UACA: variants seen among roughly 807,000 people sequenced by gnomAD.
UACA encodes nuclear membrane binding protein.
UACA carries 112 observed loss-of-function variants against 160.5 expected under a neutral mutation model. The ratio of observed to expected loss-of-function variants is 0.70; its 90% CI spans 0.60 to 0.82. The LOEUF is 0.82. Ranked by LOEUF, UACA falls within the 40% of genes least tolerant of loss-of-function variation. UACA has a pLI of 0.00. For synonymous variants in UACA, 557 were observed against 568.4 expected (o/e 0.98, Z 0.29); for missense variants, 1,574 against 1,614.6 (o/e 0.97, Z 0.43).
intron 1 of UACA, among the ~76,000 whole-genome samples, chr15:70,729,360 A>C (rs1021093781): frequency 1.3e-5 from 2 of 152,220 alleles, no homozygotes; most frequent in African/African-American, 4.8e-5. Context: ...AGCCATAAAA[A>C]AAGAATGAAA....
At chr15:70,661,113 T>C (rs1896691490) in intron 17 of UACA, 1 of 152,176 alleles carries the variant, frequency 6.6e-6, no homozygotes, top group South Asian at 2.1e-4. Flanking sequence ...ACGCTTCTTT[T>C]ACACTATTTT....
chr15:70,682,921 A>G, intron 8 of UACA, 126 bp from the exon 9 acceptor site: 3 of 507,360 alleles, frequency 5.9e-6, no homozygotes, highest in Middle Eastern at 3.0e-4. Context: ...TAAAGCTTAC[A>G]ACTTTTTAGT....
intron 5 of UACA, among the ~76,000 whole-genome samples, chr15:70,689,199 G>A (rs1300679146): frequency 6.6e-6 from 1 of 152,088 alleles, no homozygotes; most frequent in African/African-American, 2.4e-5. Flanking sequence ...ACAGGTAAGT[G>A]GAGAAACAAG....
intron 1 of UACA, among the ~76,000 whole-genome samples, chr15:70,701,187 G>A (rs1293289307): frequency 1.3e-5 from 2 of 152,106 alleles, no homozygotes; most frequent in Non-Finnish European, 2.9e-5. Context: ...CTTAAATTTG[G>A]TGATGAACCT....
At chr15:70,660,004 A>G in intron 18 of UACA, 147 bp downstream of exon 18, 1 of 643,500 alleles carries the variant, frequency 1.6e-6, no homozygotes, top group Non-Finnish European at 2.5e-6. Flanking sequence ...TCCACAAACA[A>G]TGATTAAAAG....
intron 3 of UACA, among the ~76,000 whole-genome samples, chr15:70,692,061 T>C (rs1020962316): frequency 7.2e-5 from 11 of 152,234 alleles, no homozygotes; most frequent in Admixed American, 1.3e-4. Flanking sequence ...TATTTCTTTA[T>C]ACAAACACCT....
chr15:70,696,430 C>A (rs139083028), intron 2 of UACA, among the ~76,000 whole-genome samples: 4 of 152,148 alleles, frequency 2.6e-5, no homozygotes, highest in African/African-American at 9.7e-5. Context: ...ATTTGAATAA[C>A]TGCATGCTTG....
intron 9 of UACA, among the ~76,000 whole-genome samples, chr15:70,682,241 T>A (rs1897535065): frequency 6.6e-6 from 1 of 152,122 alleles, no homozygotes; most frequent in African/African-American, 2.4e-5. Context: ...TTCCGTAAAG[T>A]CCTCAATTAA....
intron 17 of UACA, among the ~76,000 whole-genome samples, chr15:70,663,915 T>C (rs1273812697): frequency 1.3e-5 from 2 of 151,694 alleles, no homozygotes; most frequent in Admixed American, 6.6e-5. Flanking sequence ...ATATATCTAA[T>C]GTTAAATGAC....
intron 1 of UACA, among the ~76,000 whole-genome samples, chr15:70,715,587 A>C (rs545517274): frequency 6.6e-6 from 1 of 152,200 alleles, no homozygotes; most frequent in African/African-American, 2.4e-5. Context: ...ACAGGAAAGC[A>C]TATGTTTTTG....
chr15:70,679,043 AGCGT>A (rs1897386182), intron 10 of UACA, among the ~76,000 whole-genome samples: 3 of 152,182 alleles, frequency 2.0e-5, no homozygotes, highest in African/African-American at 7.2e-5. Context: ...CCATACTTCT[AGCGT>A]TACATAATTA....
intron 1 of UACA, among the ~76,000 whole-genome samples, chr15:70,746,329 A>G (rs1483369620): frequency 6.6e-6 from 1 of 152,186 alleles, no homozygotes. Context: ...GCAAAGGGTA[A>G]GAACAGACAC....
At chr15:70,767,239 CAA>C (rs747903027), upstream of UACA, among the ~76,000 whole-genome samples, 1 of 46,534 alleles carries the variant, frequency 2.1e-5, no homozygotes, top group Middle Eastern at 0.021. Flanking sequence ...GACTCCATCT[CAA>C]AAAAAAAAAA....
At chr15:70,756,914 C>T (rs1433502214) in intron 1 of UACA, among the ~76,000 whole-genome samples, 2 of 152,162 alleles carry the variant, frequency 1.3e-5, no homozygotes, top group Non-Finnish European at 2.9e-5. Flanking sequence ...ATAAACACAG[C>T]CACATTACTA....
intron 1 of UACA, among the ~76,000 whole-genome samples, chr15:70,750,667 G>A (rs775104330): frequency 2.0e-5 from 3 of 152,076 alleles, no homozygotes; most frequent in East Asian, 1.9e-4. Flanking sequence ...TCAGGCGTTC[G>A]AGACCAGCCT....
chr15:70,687,628 C>A lies in UACA; in HGVS notation c.514G>T (p.Val172Phe). ...AKDVDGRTPLVLATQMSRPTI... is the reference protein window; with the variant it reads ...AKDVDGRTPLFLATQMSRPTI... ...GGCCTACTCATCTGAGTAGCCAGAACAAGTGGTGTCCGCCCGTCCTAAGCA... is the reference window on the plus strand; with the variant it reads ...GGCCTACTCATCTGAGTAGCCAGAAAAAGTGGTGTCCGCCCGTCCTAAGCA... Residue 172 changes from valine to phenylalanine, a missense_variant, in exon 7 of 19, where the codon GTT (valine) becomes TTT (phenylalanine). Val to Phe is a conservative substitution (Grantham distance 50). Transcript: ENST00000322954. 3 of 1,613,916 alleles carry A rather than the reference C, an allele frequency of 1.9e-6. No individual in the cohort carries two copies. The highest frequency in any genetic ancestry group is 2.5e-6 in the Non-Finnish European group (3 of 1,179,834).
chr15:70,719,115 GAGA>G (rs1230713810), intron 1 of UACA, among the ~76,000 whole-genome samples: 4 of 151,276 alleles, frequency 2.6e-5, no homozygotes, highest in Non-Finnish European at 5.9e-5. Flanking sequence ...TGAAGAGAAG[GAGA>G]AGGAGAAGAG....
chr15:70,726,601 T>C (rs1026862523), intron 1 of UACA, among the ~76,000 whole-genome samples: 2 of 152,172 alleles, frequency 1.3e-5, no homozygotes, highest in African/African-American at 4.8e-5. Context: ...GGTTTTAAGA[T>C]CACATGTTAA....
intron 1 of UACA, among the ~76,000 whole-genome samples, chr15:70,741,350 T>A (rs1169617676): frequency 6.6e-6 from 1 of 152,196 alleles, no homozygotes; most frequent in Admixed American, 6.5e-5. Context: ...CCTATCTACA[T>A]GTGCTGGATC....
Sources: allele counts gnomAD v4.1 joint callset (sites outside exome capture counted in the v4.1 genomes callset), GRCh38; gene constraint gnomAD v4.1.1; transcripts MANE v1.5; gene names NCBI Gene and HGNC (gene_info 2026-07-23, HGNC 2026-07-21).